ANK2: variants seen among roughly 807,000 people sequenced by gnomAD.
The protein encoded by ANK2 is ankyrin 2, also known as ankyrin-2.
Under a neutral mutation model 360.5 loss-of-function variants are expected in ANK2, and 83 were observed. The observed-to-expected ratio is 0.23, with a 90% CI of 0.19 to 0.28. The LOEUF (loss-of-function observed/expected upper bound fraction) is 0.28, where lower values mean the gene tolerates loss of function less well. Among genes scored for constraint, ANK2 ranks in the 10% least tolerant of loss-of-function variants. ANK2 has a pLI of 1.00. For synonymous variants in ANK2, 1,740 were observed against 1,759.5 expected (o/e 0.99, Z 0.28); for missense variants, 4,201 against 4,795.7 (o/e 0.88, Z 3.66).
intron 1 of ANK2, among the ~76,000 whole-genome samples, chr4:112,830,827 C>T (rs1050244308): frequency 3.3e-5 from 5 of 152,128 alleles, no homozygotes; most frequent in South Asian, 4.1e-4. Flanking sequence ...GGGCAGGAAC[C>T]GGGGCTGTGC....
intron 4 of ANK2, among the ~76,000 whole-genome samples, chr4:113,204,504 T>C (rs1455582900): frequency 6.6e-6 from 1 of 152,222 alleles, no homozygotes; most frequent in Non-Finnish European, 1.5e-5. Flanking sequence ...AGTAATAATA[T>C]CTTGCATTCA....
chr4:113,235,843 G>A (rs941778584), intron 5 of ANK2, among the ~76,000 whole-genome samples: 9 of 152,022 alleles, frequency 5.9e-5, no homozygotes, highest in Non-Finnish European at 8.8e-5. Context: ...CCGGGTTCAC[G>A]CCATTCTCCT....
chr4:113,037,195 ACAGATTTGTGGGCC>A (rs2061796816), intron 2 of ANK2, among the ~76,000 whole-genome samples: 1 of 151,974 alleles, frequency 6.6e-6, no homozygotes, highest in African/African-American at 2.4e-5. Flanking sequence ...TTCTAGGCTG[ACAGATTTGTGGGCC>A]CAGGAAATAC....
chr4:113,367,873 G>C, intron 42 of ANK2, 22 bp downstream of exon 42: 1 of 1,613,902 alleles, frequency 6.2e-7, no homozygotes, highest in African/African-American at 1.3e-5. Context: ...AAGAAAGCCT[G>C]TCAAATGTAA....
intron 1 of ANK2, among the ~76,000 whole-genome samples, chr4:113,099,958 T>A (rs540901597): frequency 5.8e-4 from 89 of 152,148 alleles, no homozygotes; most frequent in Middle Eastern, 6.8e-3. Context: ...TATTATACTT[T>A]TCGCAAAAAG....
At chr4:113,089,755 C>T (rs1298115061) in intron 1 of ANK2, among the ~76,000 whole-genome samples, 16 of 151,970 alleles carry the variant, frequency 1.1e-4, no homozygotes, top group African/African-American at 3.4e-4. Flanking sequence ...ACCCGGGAGG[C>T]GGAAATTGCA....
At chr4:113,332,407 C>G (rs1052461205) in intron 28 of ANK2, among the ~76,000 whole-genome samples, 2 of 152,150 alleles carry the variant, frequency 1.3e-5, no homozygotes, top group Non-Finnish European at 2.9e-5. Flanking sequence ...TCAAAACCCT[C>G]TACATATTTT....
intron 2 of ANK2, among the ~76,000 whole-genome samples, chr4:112,972,987 A>T (rs531387345): frequency 1.3e-5 from 2 of 152,284 alleles, no homozygotes; most frequent in East Asian, 3.9e-4. Context: ...CAAAGGCATA[A>T]GAGTGACATA....
chr4:113,098,123 A>T (rs1461988535), intron 1 of ANK2, among the ~76,000 whole-genome samples: 1 of 151,656 alleles, frequency 6.6e-6, no homozygotes, highest in East Asian at 1.9e-4. Flanking sequence ...AAAGATTAAA[A>T]TCCATCAATC....
intron 38 of ANK2, 138 bp from the exon 39 acceptor site, chr4:113,360,685 A>G (rs1472940193): frequency 3.9e-6 from 3 of 761,544 alleles, no homozygotes; most frequent in East Asian, 2.7e-5. Context: ...CAGACACACA[A>G]TATGATCTGA....
At chr4:113,250,939 T>C (rs904125231) in intron 10 of ANK2, among the ~76,000 whole-genome samples, 3 of 152,172 alleles carry the variant, frequency 2.0e-5, no homozygotes, top group Non-Finnish European at 4.4e-5. Context: ...TGTGCCCACA[T>C]GCCATAAAAG....
intron 2 of ANK2, among the ~76,000 whole-genome samples, chr4:112,992,757 A>G (rs1160063184): frequency 6.6e-6 from 1 of 152,172 alleles, no homozygotes; most frequent in African/African-American, 2.4e-5. Flanking sequence ...TCACCTTTCA[A>G]GGATTCCATC....
chr4:112,814,910 G>A (rs1002511115), upstream of ANK2, among the ~76,000 whole-genome samples: 3 of 152,142 alleles, frequency 2.0e-5, no homozygotes, highest in Non-Finnish European at 4.4e-5. Flanking sequence ...ATCACTGTAT[G>A]GGGGGTGTTG....
upstream of ANK2, among the ~76,000 whole-genome samples, chr4:113,045,940 C>T (rs1033002427): frequency 7.2e-5 from 11 of 152,240 alleles, no homozygotes; most frequent in Middle Eastern, 3.4e-3. Context: ...AAAAATAGTT[C>T]CTAGTCCCCT....
intron 1 of ANK2, among the ~76,000 whole-genome samples, chr4:112,836,542 C>T (rs2061028759): frequency 6.6e-6 from 1 of 152,114 alleles, no homozygotes; most frequent in Admixed American, 6.5e-5. Context: ...TTGGAACTTC[C>T]TAGAGACTTG....
chr4:113,042,272 C>T (rs1259176823), intron 2 of ANK2, among the ~76,000 whole-genome samples: 1 of 152,154 alleles, frequency 6.6e-6, no homozygotes, highest in African/African-American at 2.4e-5. Context: ...ACACCAGCCT[C>T]TCCACCCTCA....
At position 113,311,281 on chromosome 4, in the gene ANK2, G is replaced by A. The variant is rs2079824761; in HGVS notation, c.2575G>A (p.Gly859Arg). ...EGDDTMTGDG[G>R]EYLRPEDLKE... ...TGATGACACAATGACTGGTGATGGGGGAGAATACCTTAGGCCTGAGGACCT... is the reference window on the plus strand; with the variant it reads ...TGATGACACAATGACTGGTGATGGGAGAGAATACCTTAGGCCTGAGGACCT... Residue 859 changes from glycine (G) to arginine (R), a missense_variant, in exon 24 of 46, where the codon GGA becomes AGA. Gly to Arg is a moderately radical substitution (Grantham distance 125, BLOSUM62 -2). Around this residue, in one of 4 missense-constraint regions of ANK2, gnomAD observed 1,268 missense variants for 1,650.8 expected, o/e 0.77. Transcript: ENST00000357077. The A allele has an allele frequency of 1.2e-6, 2 of 1,613,972 alleles. No homozygotes were observed. The highest frequency in any genetic ancestry group is 1.7e-6 in the Non-Finnish European group (2 of 1,180,020).
chr4:113,240,148 T>C (rs2038982638), intron 7 of ANK2, among the ~76,000 whole-genome samples: 1 of 152,210 alleles, frequency 6.6e-6, no homozygotes, highest in African/African-American at 2.4e-5. Flanking sequence ...GGCTGAAACC[T>C]GATGTTGTTT....
At chr4:113,363,956 A>C (rs763001635) in intron 40 of ANK2, among the ~76,000 whole-genome samples, 8 of 152,200 alleles carry the variant, frequency 5.3e-5, no homozygotes, top group Admixed American at 2.6e-4. Flanking sequence ...AATTGATACA[A>C]ATTGTTGTCA....
Sources: allele counts gnomAD v4.1 joint callset (sites outside exome capture counted in the v4.1 genomes callset), GRCh38; gene constraint gnomAD v4.1.1; regional missense constraint gnomAD v4.1.1; transcripts MANE v1.5; gene names NCBI Gene and HGNC (gene_info 2026-07-23, HGNC 2026-07-21).